Variants in BMERB1 observed in about 807,000 individuals in gnomAD.
BMERB1 encodes the protein bMERB domain-containing protein 1.
Under a neutral mutation model 23.6 loss-of-function variants are expected in BMERB1, and 12 were observed. That is an observed-to-expected ratio of 0.51 (90% CI 0.33 to 0.82). The LOEUF (loss-of-function observed/expected upper bound fraction) is 0.82, where lower values mean the gene tolerates loss of function less well. Among genes scored for constraint, BMERB1 ranks in the 40% least tolerant of loss-of-function variants. BMERB1 has a pLI of 0.03. For synonymous variants in BMERB1, 122 were observed against 96.6 expected, an observed-to-expected ratio of 1.26 and a Z score of -1.54; for missense variants, 247 against 255.4, an observed-to-expected ratio of 0.97 and a Z score of 0.22.
In BMERB1 at chr16:15,473,288, T is replaced by C. The variant is rs1244592511; in HGVS notation, c.106+38529T>C. ...TCTGTTTGGAGAATTTCCTTTAGCCTTTTTTTTTTTTTTTGAGTTGTAGCT... is the reference window on the plus strand; with the variant it reads ...TCTGTTTGGAGAATTTCCTTTAGCCCTTTTTTTTTTTTTTGAGTTGTAGCT... On this transcript the variant is annotated intron_variant, in intron 1 of 5. Coordinates refer to ENST00000300006, the MANE Select transcript of BMERB1 (RefSeq NM_033201.3). Among the ~76,000 whole-genome samples, 4 of 131,474 alleles carry C rather than the reference T, an allele frequency of 3.0e-5. No homozygotes were observed. In the South Asian group the frequency reaches 9.7e-4, roughly 32 times the overall value. The allele number at this position is 131,474 out of a possible 152,430, so 86.3% of individuals were successfully genotyped here. A position where few individuals can be genotyped will look rare whatever the true frequency, so the allele number is the denominator to read the frequency against.
chr16:15,466,456 T>C (rs758283197), intron 1 of BMERB1, among the ~76,000 whole-genome samples: 4 of 152,198 alleles, frequency 2.6e-5, no homozygotes, highest in Non-Finnish European at 5.9e-5. Context: ...AGGTATTTTT[T>C]GTATTTTGTT....
intron 2 of BMERB1, among the ~76,000 whole-genome samples, chr16:15,534,686 G>A (rs538678496): frequency 6.6e-6 from 1 of 152,272 alleles, no homozygotes; most frequent in East Asian, 1.9e-4. Flanking sequence ...AAGGCAGTGG[G>A]GTGGTTTCCT....
intron 1 of BMERB1, among the ~76,000 whole-genome samples, chr16:15,481,494 G>A (rs1305601993): frequency 4.6e-5 from 7 of 151,838 alleles, no homozygotes; most frequent in Non-Finnish European, 8.8e-5. Context: ...GCCACTGCAT[G>A]CCAACCTGGG....
intron 2 of BMERB1, among the ~76,000 whole-genome samples, chr16:15,561,593 A>AATG (rs1054566439): frequency 6.6e-6 from 1 of 151,942 alleles, no homozygotes; most frequent in African/African-American, 2.4e-5. Context: ...TCTCACAGCT[A>AATG]ATGATAATAA....
intron 2 of BMERB1, among the ~76,000 whole-genome samples, chr16:15,534,502 C>G (rs549904877): frequency 6.6e-6 from 1 of 151,700 alleles, no homozygotes; most frequent in South Asian, 2.1e-4. Context: ...TGCAGTGAGC[C>G]GAGATTGTGC....
rs544724490 is a variant in BMERB1 at position 15,513,630 on chromosome 16, T to C, written c.107-1675T>C. Among the ~76,000 whole-genome samples the C allele has an allele frequency of 4.6e-4, 70 of 152,264 alleles. 1 individual carries two copies. Among genetic ancestry groups the C allele is most frequent in the African/African-American group, 1.6e-3 (67 of 41,544 alleles). On this transcript the variant is annotated intron_variant, in intron 1 of 5. Coordinates refer to ENST00000300006, the MANE Select transcript of BMERB1 (RefSeq NM_033201.3). ...AGTGTGTCTGCCCAGGCGCGGTGGC[T>C]CATGCCTATAATCCTAGCACTTTGG... is the stretch of plus-strand genomic sequence containing the variant.
At chr16:15,481,383 T>C (rs991337121) in intron 1 of BMERB1, among the ~76,000 whole-genome samples, 1 of 151,982 alleles carries the variant, frequency 6.6e-6, no homozygotes, top group Non-Finnish European at 1.5e-5. Context: ...AAAAATTAGC[T>C]GGGTGTGGTG....
At chr16:15,456,737 G>A (rs1011067530) in intron 1 of BMERB1, among the ~76,000 whole-genome samples, 1 of 152,092 alleles carries the variant, frequency 6.6e-6, no homozygotes, top group African/African-American at 2.4e-5. Context: ...TTTATTGATG[G>A]ACAGCTAGGT....
Position 15,563,336 on chromosome 16 carries a change from C to T in BMERB1, c.231-4647C>T, listed in dbSNP as rs187425020. 4.0e-3 allele frequency among the ~76,000 whole-genome samples: 602 copies of T among 152,196 alleles called. 5 individuals are homozygous for T. Among genetic ancestry groups the T allele is most frequent in the African/African-American group, 0.014 (578 of 41,510 alleles). Reference sequence around the variant, plus strand: ...CCTGGGTTCACACATTCTCCTGCCTCAGCCTCCCGAGTAGCTGGGACTACA... The same window carrying T: ...CCTGGGTTCACACATTCTCCTGCCTTAGCCTCCCGAGTAGCTGGGACTACA... On this transcript the variant is annotated intron_variant, in intron 2 of 5. Coordinates refer to ENST00000300006, the MANE Select transcript of BMERB1 (RefSeq NM_033201.3).
At chr16:15,471,343 C>T (rs1474871796) in intron 1 of BMERB1, among the ~76,000 whole-genome samples, 1 of 152,066 alleles carries the variant, frequency 6.6e-6, no homozygotes, top group Non-Finnish European at 1.5e-5. Context: ...GGAGATTTCT[C>T]CTGGAGATTT....
At chr16:15,583,022 C>T (rs1050813350) in intron 4 of BMERB1, 134 bp from the exon 5 acceptor site, 33 of 719,852 alleles carry the variant, frequency 4.6e-5, no homozygotes, top group Middle Eastern at 6.0e-4. Context: ...ATACTGTACA[C>T]GCATAACACG....
At chr16:15,577,926 A>G (rs954227359) in intron 3 of BMERB1, among the ~76,000 whole-genome samples, 1 of 152,240 alleles carries the variant, frequency 6.6e-6, no homozygotes, top group African/African-American at 2.4e-5. Context: ...CTCATCGGGA[A>G]ACCGCTGATA....
intron 1 of BMERB1, among the ~76,000 whole-genome samples, chr16:15,493,191 A>G (rs2051439236): frequency 6.6e-6 from 1 of 151,904 alleles, no homozygotes; most frequent in African/African-American, 2.4e-5. Flanking sequence ...CGTCTCCACT[A>G]AAAATACAAA....
intron 2 of BMERB1, among the ~76,000 whole-genome samples, chr16:15,541,663 G>C (rs932730241): frequency 1.4e-5 from 2 of 145,788 alleles, no homozygotes; most frequent in Non-Finnish European, 3.0e-5. Context: ...GTGCAGTGGC[G>C]CGATCTTGGC....
At chr16:15,501,534 G>A (rs1453799500) in intron 1 of BMERB1, among the ~76,000 whole-genome samples, 1 of 150,940 alleles carries the variant, frequency 6.6e-6, no homozygotes, top group Non-Finnish European at 1.5e-5. Flanking sequence ...GAGTGCAGTG[G>A]CACGATCTCG....
In BMERB1 at chr16:15,434,890, T is replaced by C. The variant is rs1295282438; in HGVS notation, c.106+131T>C. On this transcript the variant is annotated intron_variant, in intron 1 of 5. Transcript: ENST00000300006. ...GCGCCCCCGCAGCGGGGCTGGCAGC[T>C]CAGGGGGATACGCAGCTCTGCGCAG... 1.4e-5 allele frequency: 10 copies of C among 732,342 alleles called. No individual in the cohort carries two copies. The East Asian group carries it at 2.5e-4, about 18-fold the overall frequency. The allele number at this position is 732,342 out of a possible 1,614,324, so 45.4% of individuals were successfully genotyped here.
intron 1 of BMERB1, among the ~76,000 whole-genome samples, chr16:15,506,287 T>C (rs961221974): frequency 4.6e-5 from 7 of 152,078 alleles, no homozygotes; most frequent in Admixed American, 2.0e-4. Flanking sequence ...ACCATTCTCC[T>C]GCCTCAGCCT....
At chr16:15,502,223 C>T (rs2051537462) in intron 1 of BMERB1, 2 of 1,446,518 alleles carry the variant, frequency 1.4e-6, no homozygotes, top group Admixed American at 4.0e-5. Flanking sequence ...GAAACAGAAA[C>T]TCGCAGAAGT....
At chr16:15,581,991 T>A (rs2031025127) in intron 4 of BMERB1, among the ~76,000 whole-genome samples, 1 of 152,254 alleles carries the variant, frequency 6.6e-6, no homozygotes, top group South Asian at 2.1e-4. Context: ...ATTGTCTGTG[T>A]TCTCAGAGAC....
Sources: gnomAD v4.1 joint callset for allele counts (sites outside exome capture counted in the v4.1 genomes callset) on GRCh38, gnomAD v4.1.1 for gene constraint, MANE v1.5 for transcripts, NCBI Gene and HGNC (gene_info 2026-07-23, HGNC 2026-07-21) for gene names.